EDNRA: variants seen among roughly 807,000 people sequenced by gnomAD.
EDNRA encodes endothelin receptor type A, also known as endothelin-1 receptor.
EDNRA carries 11 observed loss-of-function variants against 41.4 expected under a neutral mutation model. The ratio of observed to expected loss-of-function variants is 0.27; its 90% confidence interval spans 0.17 to 0.44. The LOEUF (loss-of-function observed/expected upper bound fraction) is 0.44. Ranked by LOEUF, EDNRA falls within the 20% of genes least tolerant of loss-of-function variation. The pLI, the probability that EDNRA is intolerant of heterozygous loss-of-function variation, is 1.00. For missense variants in EDNRA, 294 were observed against 531.0 expected (o/e 0.55, Z 4.39); for synonymous variants, 172 against 183.0 (o/e 0.94, Z 0.49).
intron 2 of EDNRA, among the ~76,000 whole-genome samples, chr4:147,505,839 G>A (rs1175521252): frequency 6.6e-6 from 1 of 151,842 alleles, no homozygotes; most frequent in African/African-American, 2.4e-5. Flanking sequence ...TAGTAGAGAC[G>A]GGGTTTCACC....
rs1411565081 is a variant in EDNRA at position 147,519,410 on chromosome 4, G to T, written c.421-441G>T. Among the ~76,000 whole-genome samples, 2 of 151,968 alleles carry T rather than the reference G, an allele frequency of 1.3e-5. No homozygotes were observed. The highest frequency in any genetic ancestry group is 1.3e-4 in the Admixed American group (2 of 15,258). On this transcript the variant is annotated intron_variant, in intron 2 of 7. Coordinates refer to ENST00000651419, the MANE Select transcript of EDNRA (RefSeq NM_001957.4). The surrounding 1 kb of genome is among the most constrained non-coding windows in gnomAD (Gnocchi z 4.1). Reference sequence around the variant, plus strand: ...AAGCACAGATAAAAAACCACTGTCGGCTTCTCAGTTGAGCTGTCTCCCAAA... The same window carrying T: ...AAGCACAGATAAAAAACCACTGTCGTCTTCTCAGTTGAGCTGTCTCCCAAA...
At chr4:147,497,380 A>G (rs1401186342) in intron 2 of EDNRA, among the ~76,000 whole-genome samples, 2 of 152,106 alleles carry the variant, frequency 1.3e-5, no homozygotes, top group East Asian at 3.9e-4. Flanking sequence ...TTGCCTTTCA[A>G]GAAAATCTGT....
At chr4:147,534,301 C>T (rs1441424386) in intron 4 of EDNRA, among the ~76,000 whole-genome samples, 3 of 152,194 alleles carry the variant, frequency 2.0e-5, no homozygotes, top group Non-Finnish European at 4.4e-5. Context: ...GAGAGTGCTT[C>T]TGACTTTTTT....
At chr4:147,485,085 TTC>T (rs1034361898) in intron 1 of EDNRA, among the ~76,000 whole-genome samples, 1 of 151,528 alleles carries the variant, frequency 6.6e-6, no homozygotes, top group African/African-American at 2.4e-5. Context: ...ATAATGCCTT[TTC>T]TCTTTCATTA....
Position 147,542,464 on chromosome 4 carries a change from G to C in EDNRA, c.1144-14G>C, listed in dbSNP as rs201753275. 1.4e-5 allele frequency: 22 copies of C among 1,613,994 alleles called. No homozygotes were observed. In the African/African-American group the frequency reaches 2.1e-4, roughly 16 times the overall value. ...GGTAGGCTCGCCTTACTTCGAGTCT[G>C]TTCCTTCCCCCAGTCATGCCTCTGC... On this transcript the variant is annotated splice_polypyrimidine_tract_variant and intron_variant, in intron 7 of 7. Coordinates refer to ENST00000651419, the MANE Select transcript of EDNRA (RefSeq NM_001957.4).
At chr4:147,505,335 T>A (rs1411189861) in intron 2 of EDNRA, among the ~76,000 whole-genome samples, 1 of 89,380 alleles carries the variant, frequency 1.1e-5, no homozygotes, top group Non-Finnish European at 2.1e-5. Flanking sequence ...TCATTTTTTT[T>A]TTTTTTTTTT....
chr4:147,520,062 G>C, intron 3 of EDNRA, 84 bp downstream of exon 3: 1 of 1,495,116 alleles, frequency 6.7e-7, no homozygotes, highest in Non-Finnish European at 9.0e-7. Flanking sequence ...GAGAATTCGT[G>C]CCCAGGACAG....
In EDNRA at chr4:147,532,590, C is replaced by T. The variant is rs1187538994; in HGVS notation, c.633C>T (p.Ile211=). 2 of 1,614,090 alleles carry T rather than the reference C, an allele frequency of 1.2e-6. No homozygotes were observed. The highest frequency in any genetic ancestry group is 1.1e-5 in the South Asian group (1 of 91,076). Residue 211 remains isoleucine (I), a synonymous_variant, in exon 4 of 8, where the codon ATC becomes ATT. Coordinates refer to ENST00000651419, the MANE Select transcript of EDNRA (RefSeq NM_001957.4). Reference sequence around the variant, plus strand: ...CCATTGAAATTGTCTCCATCTGGATCCTGTCCTTTATCCTGGCCATTCCTG... The same window carrying T: ...CCATTGAAATTGTCTCCATCTGGATTCTGTCCTTTATCCTGGCCATTCCTG... ...VTAIEIVSIW[I]LSFILAIPEA...
intron 3 of EDNRA, among the ~76,000 whole-genome samples, chr4:147,524,433 C>T (rs751456863): frequency 1.3e-5 from 2 of 151,736 alleles, no homozygotes; most frequent in African/African-American, 2.4e-5. Flanking sequence ...TAAGATGTTC[C>T]ATCACGATAA....
chr4:147,494,721 T>C (rs1729250913), intron 2 of EDNRA: 1 of 152,226 alleles, frequency 6.6e-6, no homozygotes, highest in African/African-American at 2.4e-5. Flanking sequence ...GTCAGGACAA[T>C]AGGCATAAAC....
At chr4:147,508,295 C>T (rs989525428) in intron 2 of EDNRA, among the ~76,000 whole-genome samples, 1 of 152,086 alleles carries the variant, frequency 6.6e-6, no homozygotes, top group African/African-American at 2.4e-5. Flanking sequence ...TGCACCACCA[C>T]GCCTGGCTAA....
chr4:147,507,425 A>G (rs1560903031), intron 2 of EDNRA, among the ~76,000 whole-genome samples: 1 of 152,252 alleles, frequency 6.6e-6, no homozygotes, highest in East Asian at 1.9e-4. Context: ...TAAGTGAAAA[A>G]AAGTCAATCT....
At position 147,532,719 on chromosome 4, in the gene EDNRA, A is replaced by G. The variant is rs745376344; in HGVS notation, c.747+15A>G. ...AATTCATGGAGGTACTAAACGTTTA[A>G]AAGGAATTAACTGGGGAAGGGAGGA... On this transcript the variant is annotated intron_variant, in intron 4 of 7. Transcript: ENST00000651419. The G allele has an allele frequency of 1.9e-6, 3 of 1,613,178 alleles. No individual in the cohort carries two copies. The East Asian group carries it at 6.7e-5, about 36-fold the overall frequency.
chr4:147,505,107 G>A (rs1277081154), intron 2 of EDNRA, among the ~76,000 whole-genome samples: 2 of 151,028 alleles, frequency 1.3e-5, no homozygotes, highest in Non-Finnish European at 2.9e-5. Flanking sequence ...TGACAGATAG[G>A]CACATGAAAA....
Position 147,486,824 on chromosome 4 carries a change from A to G in EDNRA, c.420+723A>G, listed in dbSNP as rs556980644. 5.3e-5 allele frequency among the ~76,000 whole-genome samples: 8 copies of G among 152,234 alleles called. No homozygotes were observed. In the East Asian group the frequency reaches 1.5e-3, roughly 29 times the overall value. ...GTAAGGAACCAAAAAGAAACACAAC[A>G]AAGTCAGTGCCTCAGTGTGAGAGGA... On this transcript the variant is annotated intron_variant, in intron 2 of 7. Coordinates refer to ENST00000651419, the MANE Select transcript of EDNRA (RefSeq NM_001957.4). The surrounding 1 kb of genome is among the most constrained non-coding windows in gnomAD (Gnocchi z 4.3).
intron 2 of EDNRA, among the ~76,000 whole-genome samples, chr4:147,516,948 A>T (rs1256691611): frequency 6.6e-6 from 1 of 152,052 alleles, no homozygotes; most frequent in Admixed American, 6.6e-5. Flanking sequence ...ATAATGGAGT[A>T]CTAAAAGATA....
chr4:147,539,520 C>T (rs1020413874), intron 5 of EDNRA, among the ~76,000 whole-genome samples: 1 of 152,054 alleles, frequency 6.6e-6, no homozygotes, highest in African/African-American at 2.4e-5. Context: ...TCAGCTGGCT[C>T]ACCTCCAGCC....
At chr4:147,494,850 T>C (rs1170916617) in intron 2 of EDNRA, 2 of 152,120 alleles carry the variant, frequency 1.3e-5, no homozygotes, top group Non-Finnish European at 2.9e-5. Flanking sequence ...CATGAACTTG[T>C]TTACATTTTA....
chr4:147,537,244 A>G (rs1405944891), intron 5 of EDNRA, among the ~76,000 whole-genome samples: 2 of 152,338 alleles, frequency 1.3e-5, no homozygotes, highest in South Asian at 2.1e-4. Context: ...AATCAATAGT[A>G]TTATGAGGAT....
Sources: allele counts gnomAD v4.1 joint callset (sites outside exome capture counted in the v4.1 genomes callset), GRCh38; gene constraint gnomAD v4.1.1; non-coding constraint Gnocchi (gnomAD v3.1); transcripts MANE v1.5; gene names NCBI Gene and HGNC (gene_info 2026-07-23, HGNC 2026-07-21).